PDSS2: variants seen among roughly 807,000 people sequenced by gnomAD.
The protein encoded by PDSS2 is decaprenyl diphosphate synthase subunit 2.
Under a neutral mutation model 44.5 loss-of-function variants are expected in PDSS2, and 31 were observed. The observed-to-expected ratio is 0.70, with a 90% CI of 0.52 to 0.94. The LOEUF is 0.94. Ranked by LOEUF, PDSS2 falls within the 40% of genes least tolerant of loss-of-function variation. The pLI is 0.00. For synonymous variants in PDSS2, 157 were observed against 180.3 expected, an observed-to-expected ratio of 0.87 and a Z score of 1.03; for missense variants, 452 against 482.2, an observed-to-expected ratio of 0.94 and a Z score of 0.59.
chr6:107,326,912 A>G (rs913914721), intron 2 of PDSS2, among the ~76,000 whole-genome samples: 1 of 152,146 alleles, frequency 6.6e-6, no homozygotes, highest in East Asian at 1.9e-4. Context: ...ATTGGTCAGT[A>G]TCCATTATGT....
chr6:107,393,994 T>A (rs748030028), intron 1 of PDSS2, among the ~76,000 whole-genome samples: 1 of 152,222 alleles, frequency 6.6e-6, no homozygotes, highest in African/African-American at 2.4e-5. Context: ...CTTGCTTTCA[T>A]ATGCAGCCTG....
In PDSS2 at chr6:107,278,562, G is replaced by A. The variant is rs114634947; in HGVS notation, c.432-4335C>T. Reference sequence around the variant, plus strand: ...TAAAAAGCGTTAAGCATTTGGACAAGTTTTTCATGCAGTTCAGTTTATGAA... The same window carrying A: ...TAAAAAGCGTTAAGCATTTGGACAAATTTTTCATGCAGTTCAGTTTATGAA... On this transcript the variant is annotated intron_variant, in intron 2 of 7. Transcript: ENST00000369037. Among the ~76,000 whole-genome samples the A allele has an allele frequency of 1.7e-3, 253 of 152,304 alleles. 1 individual carries two copies. The highest frequency in any genetic ancestry group is 5.9e-3 in the African/African-American group (245 of 41,570).
chr6:107,206,837 T>C (rs1294048763), intron 6 of PDSS2, among the ~76,000 whole-genome samples: 1 of 152,172 alleles, frequency 6.6e-6, no homozygotes, highest in African/African-American at 2.4e-5. Context: ...ATTTCTGTTA[T>C]ACCAACTTAA....
At chr6:107,418,312 C>G (rs544005314) in intron 1 of PDSS2, among the ~76,000 whole-genome samples, 118 of 152,244 alleles carry the variant, frequency 7.8e-4, no homozygotes, top group African/African-American at 2.5e-3. Context: ...TGATGAGGTA[C>G]AAGTCAAAGG....
chr6:107,261,835 T>A (rs1582863191), intron 3 of PDSS2, among the ~76,000 whole-genome samples: 1 of 150,798 alleles, frequency 6.6e-6, no homozygotes, highest in African/African-American at 2.4e-5. Context: ...TGCCTGGGCC[T>A]CCCAATGTGC....
chr6:107,270,348 G>C (rs7742559), intron 3 of PDSS2, among the ~76,000 whole-genome samples: 1 of 151,834 alleles, frequency 6.6e-6, no homozygotes, highest in African/African-American at 2.4e-5. Context: ...CTGACCTCAG[G>C]TGATTCACTC....
intron 1 of PDSS2, among the ~76,000 whole-genome samples, chr6:107,447,196 C>T (rs1488020634): frequency 6.6e-6 from 1 of 151,788 alleles, no homozygotes; most frequent in East Asian, 1.9e-4. Flanking sequence ...ATTAGCCAGG[C>T]ATGGTGGTGG....
Position 107,459,057 on chromosome 6 carries a change from G to A in PDSS2, c.229C>T (p.Leu77Phe). The A allele has an allele frequency of 6.2e-7, 1 of 1,614,130 alleles. No individual in the cohort carries two copies. Among genetic ancestry groups the A allele is most frequent in the Non-Finnish European group, 8.5e-7 (1 of 1,180,018 alleles). Reference protein sequence around the residue: ...MSLRCLLSDELSNIAMQVRKL... With the variant: ...MSLRCLLSDEFSNIAMQVRKL... ...CGCACCTGCATAGCGATGTTGCTGAGCTCGTCGCTCAGCAGGCAGCGAAGG... is the reference window on the plus strand; with the variant it reads ...CGCACCTGCATAGCGATGTTGCTGAACTCGTCGCTCAGCAGGCAGCGAAGG... Residue 77 changes from leucine to phenylalanine, a missense_variant, in exon 1 of 8, where the codon CTC becomes TTC. Physicochemically the swap from Leu to Phe is conservative, Grantham distance 22. Transcript: ENST00000369037. The surrounding 1 kb of genome is among the most constrained non-coding windows in gnomAD (Gnocchi z 4.3).
At chr6:107,388,301 G>T (rs892081226) in intron 1 of PDSS2, among the ~76,000 whole-genome samples, 26 of 152,170 alleles carry the variant, frequency 1.7e-4, no homozygotes, top group African/African-American at 5.8e-4. Context: ...TGATGGAAAT[G>T]TAAAATGTTA....
chr6:107,259,354 G>C (rs553206345), intron 3 of PDSS2, among the ~76,000 whole-genome samples: 1 of 151,884 alleles, frequency 6.6e-6, no homozygotes, highest in Non-Finnish European at 1.5e-5. Flanking sequence ...CTTATTGGGG[G>C]ATAAAAAGAA....
At chr6:107,217,787 T>C (rs533833377) in intron 4 of PDSS2, among the ~76,000 whole-genome samples, 1 of 152,278 alleles carries the variant, frequency 6.6e-6, no homozygotes, top group South Asian at 2.1e-4. Flanking sequence ...TCACAGAAAT[T>C]GGGTCAATCT....
At chr6:107,286,136 T>TAAATAAAAAAAAAAA (rs568159749) in intron 2 of PDSS2, among the ~76,000 whole-genome samples, 59 of 128,710 alleles carry the variant, frequency 4.6e-4, no homozygotes, top group African/African-American at 1.4e-3. Context: ...CGTCGCAAAA[T>TAAATAAAAAAAAAAA]AAAAAAAAAA....
chr6:107,345,398 A>G (rs560870054), intron 1 of PDSS2, among the ~76,000 whole-genome samples: 4 of 150,628 alleles, frequency 2.7e-5, no homozygotes, highest in Admixed American at 6.6e-5. Flanking sequence ...TAGTGTATGG[A>G]GTATCAGTCC....
At position 107,154,735 on chromosome 6, in the gene PDSS2, T is replaced by C; in HGVS notation, c.1084A>G (p.Ile362Val). Residue 362 changes from isoleucine (I) to valine (V), a missense_variant, in exon 8 of 8, where the codon ATT (isoleucine) becomes GTT (valine). Physicochemically the swap from Ile to Val is conservative, Grantham distance 29 (BLOSUM62 3). Coordinates refer to ENST00000369037, the MANE Select transcript of PDSS2 (RefSeq NM_020381.4). ...TTTCCATGGTAACGACACAGGTCAATAGCTGAAGTCACACCTTTGCCAGCT... is the reference window on the plus strand; with the variant it reads ...TTTCCATGGTAACGACACAGGTCAACAGCTGAAGTCACACCTTTGCCAGCT... ...IKAGKGVTSA[I>V]DLCRYHGNKA... 1 of 1,614,148 alleles carries C rather than the reference T, an allele frequency of 6.2e-7. No homozygotes were observed.
At chr6:107,190,073 G>C (rs62428030) in intron 7 of PDSS2, among the ~76,000 whole-genome samples, 7 of 146,748 alleles carry the variant, frequency 4.8e-5, no homozygotes, top group Non-Finnish European at 9.0e-5. Flanking sequence ...GACAGAGTGA[G>C]ACCCTATCTC....
chr6:107,354,356 G>GA (rs2115348001), intron 1 of PDSS2, among the ~76,000 whole-genome samples: 1 of 152,324 alleles, frequency 6.6e-6, no homozygotes, highest in Non-Finnish European at 1.5e-5. Context: ...GAGAAATTAT[G>GA]AAACAGGAAG....
chr6:107,213,432 G>A (rs967895108), intron 4 of PDSS2, among the ~76,000 whole-genome samples: 3 of 151,788 alleles, frequency 2.0e-5, no homozygotes, highest in Non-Finnish European at 4.4e-5. Context: ...TTACAGGCAT[G>A]AGTCACTGCG....
chr6:107,191,377 G>A (rs1039916951), intron 7 of PDSS2, among the ~76,000 whole-genome samples: 2 of 152,142 alleles, frequency 1.3e-5, no homozygotes, highest in Non-Finnish European at 2.9e-5. Context: ...AGGAGGAGTT[G>A]GAGTCAAGAA....
intron 1 of PDSS2, among the ~76,000 whole-genome samples, chr6:107,442,574 G>C (rs182902198): frequency 4.2e-4 from 64 of 152,258 alleles, no homozygotes; most frequent in African/African-American, 1.4e-3. Flanking sequence ...TCTAGCCTTA[G>C]TGTTTACCTC....
Sources: gnomAD v4.1 joint callset for allele counts (sites outside exome capture counted in the v4.1 genomes callset) on GRCh38, gnomAD v4.1.1 for gene constraint, Gnocchi (gnomAD v3.1) non-coding constraint, MANE v1.5 for transcripts, NCBI Gene and HGNC (gene_info 2026-07-23, HGNC 2026-07-21) for gene names.